XKR9: variants seen among roughly 807,000 people sequenced by gnomAD.
XKR9 encodes the protein XK-related protein 9.
In XKR9, 32 loss-of-function variants were observed where a neutral mutation model predicts 32.0. The observed-to-expected ratio is 1.00, with a 90% confidence interval of 0.76 to 1.34. XKR9 has a LOEUF of 1.34. XKR9 is among the 40% of genes most tolerant of loss of function. The probability of loss-of-function intolerance (pLI) is 0.00; values close to 1 mark genes in which losing one functional copy is unlikely to be tolerated. For synonymous variants in XKR9, 168 were observed against 143.4 expected (o/e 1.17, Z -1.22); for missense variants, 546 against 429.7 (o/e 1.27, Z -2.39).
the XKR9 span, among the ~76,000 whole-genome samples, chr8:70,818,713 G>A: frequency 2.0e-5 from 3 of 152,082 alleles, no homozygotes; most frequent in Non-Finnish European, 4.4e-5. Context: ...GTGCTAAATT[G>A]GTATAGAGAA....
chr8:70,701,904 C>G (rs1014948145), intron 3 of XKR9, among the ~76,000 whole-genome samples: 1 of 152,156 alleles, frequency 6.6e-6, no homozygotes, highest in Non-Finnish European at 1.5e-5. Context: ...AAAAACCTCT[C>G]TCTGCCAAAG....
the XKR9 span, among the ~76,000 whole-genome samples, chr8:71,042,050 G>A: frequency 1.2e-4 from 19 of 152,264 alleles, no homozygotes; most frequent in African/African-American, 4.6e-4. Flanking sequence ...GACAGTGGGA[G>A]TATACAGAGA....
chr8:70,817,262 A>G, the XKR9 span, among the ~76,000 whole-genome samples: 1 of 152,184 alleles, frequency 6.6e-6, no homozygotes, highest in Non-Finnish European at 1.5e-5. Flanking sequence ...GAACTGATAA[A>G]TGACTTCAGT....
At chr8:70,697,890 A>C (rs1204986765) in intron 3 of XKR9, among the ~76,000 whole-genome samples, 8 of 151,930 alleles carry the variant, frequency 5.3e-5, no homozygotes, top group African/African-American at 1.9e-4. Context: ...CAGAGATTCA[A>C]CTTCTTCCTG....
chr8:70,840,517 C>T, the XKR9 span, among the ~76,000 whole-genome samples: 4 of 152,032 alleles, frequency 2.6e-5, no homozygotes, highest in South Asian at 2.1e-4. Flanking sequence ...TTGGTTAGTT[C>T]AGTGGCTAAA....
At chr8:70,876,218 C>CTTTTTTTTTTTTTTTTTTTTTTTTT in the XKR9 span, among the ~76,000 whole-genome samples, 1 of 101,484 alleles carries the variant, frequency 9.9e-6, no homozygotes, top group Non-Finnish European at 1.8e-5. Flanking sequence ...AAGATTCGTT[C>CTTTTTTTTTTTTTTTTTTTTTTTTT]TTTTTTTTTT....
At chr8:70,710,138 A>G (rs56173818) in intron 4 of XKR9, among the ~76,000 whole-genome samples, 50,059 of 152,000 alleles carry the variant, frequency 0.33, 9,388 homozygotes, top group Non-Finnish European at 0.43. Flanking sequence ...ATAAAGCCTC[A>G]TACCTACAAC....
intron 3 of XKR9, among the ~76,000 whole-genome samples, chr8:70,686,356 C>T (rs1351797705): frequency 6.6e-6 from 1 of 151,496 alleles, no homozygotes; most frequent in Admixed American, 6.6e-5. Context: ...GATCCTCCCA[C>T]TTCAGCCCCA....
chr8:70,699,133 T>C (rs1805409729), intron 3 of XKR9, among the ~76,000 whole-genome samples: 1 of 152,248 alleles, frequency 6.6e-6, no homozygotes, highest in Non-Finnish European at 1.5e-5. Context: ...CTTGACTCTT[T>C]ATCCAATTTG....
intron 4 of XKR9, among the ~76,000 whole-genome samples, chr8:70,729,708 T>C (rs1046135030): frequency 1.3e-5 from 2 of 152,170 alleles, no homozygotes; most frequent in Non-Finnish European, 2.9e-5. Flanking sequence ...TTTAACATAA[T>C]TATAATTATT....
At chr8:70,852,024 A>T in the XKR9 span, among the ~76,000 whole-genome samples, 1 of 152,220 alleles carries the variant, frequency 6.6e-6, no homozygotes, top group Non-Finnish European at 1.5e-5. Context: ...AAATTTTTGC[A>T]ATCTGTCTAT....
chr8:70,783,804 C>T (rs1807647564), intron 2 of XKR9, among the ~76,000 whole-genome samples: 1 of 152,022 alleles, frequency 6.6e-6, no homozygotes, highest in African/African-American at 2.4e-5. Context: ...TATAGTTTTT[C>T]TCCTATGTTT....
chr8:70,878,008 A>T, the XKR9 span, among the ~76,000 whole-genome samples: 1 of 152,328 alleles, frequency 6.6e-6, no homozygotes, highest in South Asian at 2.1e-4. Context: ...CCAATATTCA[A>T]CATTCTTAAC....
At chr8:70,841,256 T>A in the XKR9 span, among the ~76,000 whole-genome samples, 2 of 152,176 alleles carry the variant, frequency 1.3e-5, no homozygotes, top group African/African-American at 4.8e-5. Context: ...GAGGATATAC[T>A]TAAAAATAAA....
At chr8:71,033,358 G>T in the XKR9 span, among the ~76,000 whole-genome samples, 1 of 152,180 alleles carries the variant, frequency 6.6e-6, no homozygotes, top group South Asian at 2.1e-4. Context: ...CACATGTGAA[G>T]GCTTAGATAG....
At chr8:70,894,026 T>G in the XKR9 span, among the ~76,000 whole-genome samples, 1 of 152,032 alleles carries the variant, frequency 6.6e-6, no homozygotes, top group Admixed American at 6.5e-5. Context: ...GCTGTTATTA[T>G]ACCTCTGAGA....
chr8:70,740,316 C>T (rs1443535663), downstream of XKR9, among the ~76,000 whole-genome samples: 1 of 152,134 alleles, frequency 6.6e-6, no homozygotes, highest in Admixed American at 6.6e-5. Context: ...TTTTCAGCTC[C>T]ATCAGCTCCT....
At chr8:70,699,741 T>C (rs937809739) in intron 3 of XKR9, among the ~76,000 whole-genome samples, 8 of 152,218 alleles carry the variant, frequency 5.3e-5, no homozygotes, top group South Asian at 2.1e-4. Context: ...CCTTGCTAGA[T>C]TGGGGAAGTT....
At chr8:70,698,333 T>C (rs1249177789) in intron 3 of XKR9, among the ~76,000 whole-genome samples, 1 of 152,198 alleles carries the variant, frequency 6.6e-6, no homozygotes, top group East Asian at 1.9e-4. Context: ...GTGCTATAAA[T>C]TTCCCTCTAC....
Sources: gnomAD v4.1 joint callset for allele counts (sites outside exome capture counted in the v4.1 genomes callset) on GRCh38, gnomAD v4.1.1 for gene constraint, MANE v1.5 for transcripts, NCBI Gene and HGNC (gene_info 2026-07-23, HGNC 2026-07-21) for gene names.